AGPAT4: variants seen among roughly 807,000 people sequenced by gnomAD.
AGPAT4 encodes 1-acylglycerol-3-phosphate O-acyltransferase 4.
In AGPAT4, 15 loss-of-function variants were observed where a neutral mutation model predicts 48.0. The observed-to-expected ratio is 0.31, with a 90% CI of 0.21 to 0.48. The LOEUF is 0.48. Among genes scored for constraint, AGPAT4 ranks in the 20% least tolerant of loss-of-function variants. The pLI, the probability that AGPAT4 is intolerant of heterozygous loss-of-function variation, is 0.99. For missense variants in AGPAT4, 314 were observed against 482.5 expected (o/e 0.65, Z 3.27); for synonymous variants, 178 against 198.7 (o/e 0.90, Z 0.88).
chr6:161,188,278 A>G (rs1246467032), intron 2 of AGPAT4, among the ~76,000 whole-genome samples: 1 of 152,224 alleles, frequency 6.6e-6, no homozygotes, highest in Admixed American at 6.5e-5. Context: ...GCCTTAGGAT[A>G]TTTAATTTTG....
At chr6:161,250,471 A>G (rs1782777159) in intron 1 of AGPAT4, among the ~76,000 whole-genome samples, 1 of 152,212 alleles carries the variant, frequency 6.6e-6, no homozygotes, top group South Asian at 2.1e-4. Context: ...TCTCATAATT[A>G]TACTAGACAT....
Position 161,232,417 on chromosome 6 carries a change from T to C in AGPAT4, c.-89-115A>G. Reference sequence around the variant, plus strand: ...TTGAGGTTAAACTCATGTGCGTTAGTTGATTTATCTTTATTTTGCAAACAT... The same window carrying C: ...TTGAGGTTAAACTCATGTGCGTTAGCTGATTTATCTTTATTTTGCAAACAT... On this transcript the variant is annotated intron_variant, in intron 1 of 8. Coordinates refer to ENST00000320285, the MANE Select transcript of AGPAT4 (RefSeq NM_020133.3). The surrounding 1 kb of genome is among the most constrained non-coding windows in gnomAD (Gnocchi z 6.8). 1 of 539,782 alleles carries C rather than the reference T, an allele frequency of 1.9e-6. No homozygotes were observed. The highest frequency in any genetic ancestry group is 2.5e-5 in the South Asian group (1 of 40,334). The allele number at this position is 539,782 out of a possible 1,614,324, so 33.4% of individuals were successfully genotyped here.
chr6:161,178,950 A>C lies in AGPAT4; in HGVS notation c.179-12533T>G, dbSNP rs1236202205. On this transcript the variant is annotated intron_variant, in intron 2 of 8. Coordinates refer to ENST00000320285, the MANE Select transcript of AGPAT4 (RefSeq NM_020133.3). This position sits in a 1 kb window ranked among gnomAD's most constrained non-coding sequence, Gnocchi z 5.1. ...TGCCTGTTCTACAAACCCCACCTGG[A>C]AATCTCACAGAGCTGGTGCCCAGTT... 6.6e-6 allele frequency among the ~76,000 whole-genome samples: 1 copy of C among 152,208 alleles called. No individual in the cohort carries two copies. The highest frequency in any genetic ancestry group is 2.4e-5 in the African/African-American group (1 of 41,458).
At position 161,131,433 on chromosome 6, in the gene AGPAT4, A is replaced by T. The variant is rs922735181; in HGVS notation, c.*5107T>A. On this transcript the variant is annotated 3_prime_UTR_variant, in exon 9 of 9. Transcript: ENST00000320285. ...AAAATATTGACTGTACAAATTACTC[A>T]AGTTTATTTTGGCCTAATTATTCTT... 2 of 152,554 alleles carry T rather than the reference A, an allele frequency of 1.3e-5. No individual in the cohort carries two copies. The highest frequency in any genetic ancestry group is 4.8e-5 in the African/African-American group (2 of 41,446). 9.5% of individuals were successfully genotyped at this position (152,554 alleles called of 1,614,324 possible). A position where few individuals can be genotyped will look rare whatever the true frequency, so the allele number is the denominator to read the frequency against.
rs1202843974 is a variant in AGPAT4 at position 161,249,779 on chromosome 6, TATC to T, written c.-89-17480_-89-17478del. ...TTCCTCAAAGACCTAAAAACAGAAATATCATTCGACCCAGCAATCCCATTACTG... is the reference window on the plus strand; with the variant it reads ...TTCCTCAAAGACCTAAAAACAGAAATATTCGACCCAGCAATCCCATTACTG... On this transcript the variant is annotated intron_variant, in intron 1 of 8. Coordinates refer to ENST00000320285, the MANE Select transcript of AGPAT4 (RefSeq NM_020133.3). This position sits in a 1 kb window ranked among gnomAD's most constrained non-coding sequence, Gnocchi z 6.2. Among the ~76,000 whole-genome samples, 1 of 152,116 alleles carries T rather than the reference TATC, an allele frequency of 6.6e-6. No individual in the cohort carries two copies. The highest frequency in any genetic ancestry group is 1.5e-5 in the Non-Finnish European group (1 of 68,024).
At chr6:161,173,174 G>T (rs566365886) in intron 2 of AGPAT4, among the ~76,000 whole-genome samples, 16 of 152,296 alleles carry the variant, frequency 1.1e-4, no homozygotes, top group Admixed American at 9.1e-4. Context: ...CGGGATGGCT[G>T]GGTCAAATGT....
rs547285644 is a variant in AGPAT4 at position 161,197,702 on chromosome 6, G to T, written c.179-31285C>A. On this transcript the variant is annotated intron_variant, in intron 2 of 8. Transcript: ENST00000320285. This position sits in a 1 kb window ranked among gnomAD's most constrained non-coding sequence, Gnocchi z 5.7. The stretch of plus-strand genomic sequence containing the variant: ...GAAGGACTGGACAGGTGGAAGGGTG[G>T]GAGGCTAGAAGGAGAGCCTGGGAAG... 1.2e-4 allele frequency among the ~76,000 whole-genome samples: 19 copies of T among 152,278 alleles called. No individual in the cohort carries two copies. Among genetic ancestry groups the T allele is most frequent in the African/African-American group, 4.6e-4 (19 of 41,566 alleles).
rs983407122 is a variant in AGPAT4 at position 161,197,766 on chromosome 6, G to C, written c.179-31349C>G. ...TAGCCCCAGGGAGGTCACCCACAGA[G>C]GGCACCCAGGAGAGTTAAGTGCCTG... is the stretch of plus-strand genomic sequence containing the variant. On this transcript the variant is annotated intron_variant, in intron 2 of 8. Coordinates refer to ENST00000320285, the MANE Select transcript of AGPAT4 (RefSeq NM_020133.3). This position sits in a 1 kb window ranked among gnomAD's most constrained non-coding sequence, Gnocchi z 5.7. Among the ~76,000 whole-genome samples, 4 of 152,156 alleles carry C rather than the reference G, an allele frequency of 2.6e-5. No individual in the cohort carries two copies. The highest frequency in any genetic ancestry group is 5.9e-5 in the Non-Finnish European group (4 of 68,030).
chr6:161,228,669 A>AAAAAAAAAAAAAAAAAAAAAAC (rs1782047746), intron 2 of AGPAT4, among the ~76,000 whole-genome samples: 1 of 150,438 alleles, frequency 6.6e-6, no homozygotes, highest in Non-Finnish European at 1.5e-5. Context: ...GGTAAAAAAA[A>AAAAAAAAAAAAAAAAAAAAAAC]AAAAAAAAGC....
At position 161,148,018 on chromosome 6, in the gene AGPAT4, C is replaced by T. The variant is rs1350636893; in HGVS notation, c.767+1169G>A. On this transcript the variant is annotated intron_variant, in intron 6 of 8. Transcript: ENST00000320285. The surrounding 1 kb of genome is among the most constrained non-coding windows in gnomAD (Gnocchi z 5.5). ...TACCATTTTTGGGCTGATTGTCACA[C>T]ATGCTTTGGAGAGTTGCAGCTACCT... 6.6e-6 allele frequency among the ~76,000 whole-genome samples: 1 copy of T among 152,194 alleles called. No individual in the cohort carries two copies. Among genetic ancestry groups the T allele is most frequent in the Admixed American group, 6.5e-5 (1 of 15,282 alleles).
rs1434374990 is a variant in AGPAT4, at chr6:161,148,427, G to A, written c.767+760C>T. Among the ~76,000 whole-genome samples the A allele has an allele frequency of 6.6e-6, 1 of 152,178 alleles. No individual in the cohort carries two copies. Among genetic ancestry groups the A allele is most frequent in the Non-Finnish European group, 1.5e-5 (1 of 68,022 alleles). Reference sequence around the variant, plus strand: ...GGCCTGGTGGGAATGTAGGGCCCCTGGATTTTCAGGGTGCTGTGTTGTAAT... The same window carrying A: ...GGCCTGGTGGGAATGTAGGGCCCCTAGATTTTCAGGGTGCTGTGTTGTAAT... On this transcript the variant is annotated intron_variant, in intron 6 of 8. Coordinates refer to ENST00000320285, the MANE Select transcript of AGPAT4 (RefSeq NM_020133.3). This position sits in a 1 kb window ranked among gnomAD's most constrained non-coding sequence, Gnocchi z 5.5.
intron 2 of AGPAT4, among the ~76,000 whole-genome samples, chr6:161,227,934 T>C (rs1254753768): frequency 6.6e-6 from 1 of 152,152 alleles, no homozygotes; most frequent in Non-Finnish European, 1.5e-5. Context: ...CTAAACCCTT[T>C]ATTAGAAAAC....
In AGPAT4 at chr6:161,148,452, T is replaced by C. The variant is rs111629689; in HGVS notation, c.767+735A>G. 2.3e-3 allele frequency among the ~76,000 whole-genome samples: 351 copies of C among 152,328 alleles called. No individual in the cohort carries two copies. Among genetic ancestry groups the C allele is most frequent in the Non-Finnish European group, 3.9e-3 (266 of 68,034 alleles). ...GGATTTTCAGGGTGCTGTGTTGTAA[T>C]GTGGCTTCTGTAAGGTCTTGAATCA... On this transcript the variant is annotated intron_variant, in intron 6 of 8. Transcript: ENST00000320285. This position sits in a 1 kb window ranked among gnomAD's most constrained non-coding sequence, Gnocchi z 5.5.
At position 161,161,529 on chromosome 6, in the gene AGPAT4, T is replaced by C. The variant is rs574198701; in HGVS notation, c.348+4719A>G. 411 of 456,364 alleles carry C rather than the reference T, an allele frequency of 9.0e-4. 2 individuals carry two copies. Among genetic ancestry groups the C allele is most frequent in the African/African-American group, 7.3e-3 (366 of 50,184 alleles). The allele number at this position is 456,364 out of a possible 1,614,324, so 28.3% of individuals were successfully genotyped here. On this transcript the variant is annotated intron_variant, in intron 3 of 8. Coordinates refer to ENST00000320285, the MANE Select transcript of AGPAT4 (RefSeq NM_020133.3). This position sits in a 1 kb window ranked among gnomAD's most constrained non-coding sequence, Gnocchi z 4.6. ...TCACATGGTGGCGGGCAGCACTGGGTATCTGCCATAGGCTCAGGTGATGCC... is the reference window on the plus strand; with the variant it reads ...TCACATGGTGGCGGGCAGCACTGGGCATCTGCCATAGGCTCAGGTGATGCC...
chr6:161,185,488 A>G lies in AGPAT4; in HGVS notation c.179-19071T>C, dbSNP rs548906885. ...CTTGAATCTTTATAAAACACATCTC[A>G]TGACAATGTGGGGTGATATTTCATG... On this transcript the variant is annotated intron_variant, in intron 2 of 8. Coordinates refer to ENST00000320285, the MANE Select transcript of AGPAT4 (RefSeq NM_020133.3). Among the ~76,000 whole-genome samples, 20 of 152,210 alleles carry G rather than the reference A, an allele frequency of 1.3e-4. 1 individual carries two copies. The South Asian group carries it at 4.2e-3, about 32-fold the overall frequency.
chr6:161,271,877 A>G (rs2114768593), intron 1 of AGPAT4, among the ~76,000 whole-genome samples: 1 of 152,328 alleles, frequency 6.6e-6, no homozygotes, highest in African/African-American at 2.4e-5. Flanking sequence ...TCTGCCCTTG[A>G]GGACCATTTT....
At position 161,159,650 on chromosome 6, in the gene AGPAT4, C is replaced by G. The variant is rs749172039; in HGVS notation, c.349-5340G>C. 6.6e-6 allele frequency among the ~76,000 whole-genome samples: 1 copy of G among 152,158 alleles called. No homozygotes were observed. On this transcript the variant is annotated intron_variant, in intron 3 of 8. Coordinates refer to ENST00000320285, the MANE Select transcript of AGPAT4 (RefSeq NM_020133.3). The surrounding 1 kb of genome is among the most constrained non-coding windows in gnomAD (Gnocchi z 4.1). Reference sequence around the variant, plus strand: ...TCATCAAAAGGTGAGAGACTCCATTCTCTTTTTTTTGAGACGAAGTTTCAC... The same window carrying G: ...TCATCAAAAGGTGAGAGACTCCATTGTCTTTTTTTTGAGACGAAGTTTCAC...
chr6:161,144,834 A>G lies in AGPAT4; in HGVS notation c.843+1690T>C, dbSNP rs1000285459. On this transcript the variant is annotated intron_variant, in intron 7 of 8. Coordinates refer to ENST00000320285, the MANE Select transcript of AGPAT4 (RefSeq NM_020133.3). The surrounding 1 kb of genome is among the most constrained non-coding windows in gnomAD (Gnocchi z 6.6). ...TCTCTACTAAACATACAAAAAAATT[A>G]GCCGGGCATGGTGGCGGGTGCCTGT... Among the ~76,000 whole-genome samples, 8 of 152,068 alleles carry G rather than the reference A, an allele frequency of 5.3e-5. No individual in the cohort carries two copies. The highest frequency in any genetic ancestry group is 2.0e-4 in the Admixed American group (3 of 15,270).
chr6:161,234,668 T>C lies in AGPAT4; in HGVS notation c.-89-2366A>G, dbSNP rs150241321. 4.4e-4 allele frequency among the ~76,000 whole-genome samples: 67 copies of C among 152,260 alleles called. No individual in the cohort carries two copies. Among genetic ancestry groups the C allele is most frequent in the African/African-American group, 1.5e-3 (61 of 41,564 alleles). On this transcript the variant is annotated intron_variant, in intron 1 of 8. Coordinates refer to ENST00000320285, the MANE Select transcript of AGPAT4 (RefSeq NM_020133.3). This position sits in a 1 kb window ranked among gnomAD's most constrained non-coding sequence, Gnocchi z 4.4. ...TCATTGTCCCCGGATTAGCCACTAA[T>C]AGCGTCAAGACAATCTGGCCAGGCC...
Sources: allele counts gnomAD v4.1 joint callset (sites outside exome capture counted in the v4.1 genomes callset), GRCh38; gene constraint gnomAD v4.1.1; non-coding constraint Gnocchi (gnomAD v3.1); transcripts MANE v1.5; gene names NCBI Gene and HGNC (gene_info 2026-07-23, HGNC 2026-07-21).